Variants in RIMS4 observed in about 807,000 individuals in gnomAD.
RIMS4 encodes the protein regulating synaptic membrane exocytosis 4.
RIMS4 carries 9 observed loss-of-function variants against 29.0 expected under a neutral mutation model. That is an observed-to-expected ratio of 0.31 (90% CI 0.19 to 0.54). The LOEUF (loss-of-function observed/expected upper bound fraction) is 0.54, where lower values mean the gene tolerates loss of function less well. Ranked by LOEUF, RIMS4 falls within the 20% of genes least tolerant of loss-of-function variation. The pLI, the probability that RIMS4 is intolerant of heterozygous loss-of-function variation, is 0.94. For missense variants in RIMS4, 193 were observed against 365.7 expected (o/e 0.53, Z 3.85); for synonymous variants, 130 against 152.9 (o/e 0.85, Z 1.10).
chr20:44,761,422 G>C (rs1246044792), intron 2 of RIMS4, among the ~76,000 whole-genome samples: 1 of 152,162 alleles, frequency 6.6e-6, no homozygotes, highest in African/African-American at 2.4e-5. Flanking sequence ...TGAGAATTCT[G>C]AATTTTGCTG....
intron 2 of RIMS4, among the ~76,000 whole-genome samples, chr20:44,760,569 T>C (rs997525727): frequency 3.9e-5 from 6 of 152,120 alleles, no homozygotes; most frequent in African/African-American, 4.8e-5. Context: ...TGGATGATGA[T>C]TGCAGACCAC....
At chr20:44,773,022 T>C (rs1434201300) in intron 1 of RIMS4, among the ~76,000 whole-genome samples, 1 of 113,132 alleles carries the variant, frequency 8.8e-6, no homozygotes, top group African/African-American at 4.8e-5. Flanking sequence ...CGTATTTCTG[T>C]CTCCCACGTG....
chr20:44,776,400 C>A (rs949490096), intron 1 of RIMS4, among the ~76,000 whole-genome samples: 1 of 152,230 alleles, frequency 6.6e-6, no homozygotes, highest in Non-Finnish European at 1.5e-5. Flanking sequence ...CTCTCCCTCG[C>A]AGTCTCTATA....
intron 2 of RIMS4, among the ~76,000 whole-genome samples, chr20:44,762,219 T>G (rs1312289341): frequency 6.6e-6 from 1 of 152,178 alleles, no homozygotes; most frequent in African/African-American, 2.4e-5. Flanking sequence ...GCGGTAACGC[T>G]CGCTCGCCCA....
Position 44,775,214 on chromosome 20 carries a change from C to A in RIMS4, c.98-3801G>T, listed in dbSNP as rs544598844. Reference sequence around the variant, plus strand: ...GGAGAAATGAACAGCCTCTGCTTGTCGTCCATCAGGACCCAGAAATAGACC... The same window carrying A: ...GGAGAAATGAACAGCCTCTGCTTGTAGTCCATCAGGACCCAGAAATAGACC... On this transcript the variant is annotated intron_variant, in intron 1 of 5. Coordinates refer to ENST00000372851, the MANE Select transcript of RIMS4 (RefSeq NM_182970.4). Among the ~76,000 whole-genome samples, 3 of 152,264 alleles carry A rather than the reference C, an allele frequency of 2.0e-5. No homozygotes were observed. In the East Asian group the frequency reaches 5.8e-4, roughly 30 times the overall value.
At chr20:44,764,835 A>G (rs2066106971) in intron 2 of RIMS4, among the ~76,000 whole-genome samples, 1 of 152,228 alleles carries the variant, frequency 6.6e-6, no homozygotes, top group Non-Finnish European at 1.5e-5. Context: ...CAAGTACTGT[A>G]GCAGAATTGC....
At chr20:44,767,391 C>A (rs1601023582) in intron 2 of RIMS4, among the ~76,000 whole-genome samples, 1 of 152,142 alleles carries the variant, frequency 6.6e-6, no homozygotes, top group African/African-American at 2.4e-5. Context: ...ACCCACAGAG[C>A]TCCAATTTCT....
intron 1 of RIMS4, among the ~76,000 whole-genome samples, chr20:44,796,005 G>A (rs1035365561): frequency 2.6e-5 from 4 of 152,042 alleles, no homozygotes; most frequent in Non-Finnish European, 2.9e-5. Flanking sequence ...GAGCGGGAGC[G>A]GGAGAGACAG....
Position 44,810,504 on chromosome 20 carries a change from C to CGGCGGCGGCGGCGGCGGCGGCGGT in RIMS4, c.-234_-233insACCGCCGCCGCCGCCGCCGCCGCC. ...CGCGCTGTGCTGCTGGCGGCGGCGG[C>CGGCGGCGGCGGCGGCGGCGGCGGT]GGCGGCGGCGGTGGCGGCGGCGGTG... On this transcript the variant is annotated 5_prime_UTR_variant, in exon 1 of 6. Transcript: ENST00000372851. Among the ~76,000 whole-genome samples the CGGCGGCGGCGGCGGCGGCGGCGGT allele has an allele frequency of 6.9e-6, 1 of 144,026 alleles. No individual in the cohort carries two copies. The highest frequency in any genetic ancestry group is 1.5e-5 in the Non-Finnish European group (1 of 65,086). 94.5% of individuals were successfully genotyped at this position (144,026 alleles called of 152,430 possible). A position where few individuals can be genotyped will look rare whatever the true frequency, so the allele number is the denominator to read the frequency against.
intron 2 of RIMS4, 76 bp downstream of exon 2, chr20:44,771,199 A>G: frequency 2.0e-6 from 3 of 1,520,580 alleles, no homozygotes; most frequent in South Asian, 1.3e-5. Context: ...GGGCTCCCAG[A>G]GGGGTTGCTC....
intron 1 of RIMS4, among the ~76,000 whole-genome samples, chr20:44,795,995 G>A (rs1304293990): frequency 2.0e-5 from 3 of 152,080 alleles, no homozygotes; most frequent in African/African-American, 4.8e-5. Flanking sequence ...GGGGAGAGGG[G>A]AGCGGGAGCG....
At chr20:44,764,255 C>CATCCATCCATCCATCCATCCAT (rs1325046131) in intron 2 of RIMS4, among the ~76,000 whole-genome samples, 56 of 144,364 alleles carry the variant, frequency 3.9e-4, no homozygotes, top group African/African-American at 9.4e-4. Flanking sequence ...TCCATCCATC[C>CATCCATCCATCCATCCATCCAT]TCCCACAAAC....
At chr20:44,764,176 AT>A in intron 2 of RIMS4, among the ~76,000 whole-genome samples, 1 of 151,690 alleles carries the variant, frequency 6.6e-6, no homozygotes, top group African/African-American at 2.4e-5. Flanking sequence ...CCATCCATCC[AT>A]CCATCCATCC....
In RIMS4 at chr20:44,757,785, C is replaced by G. The variant is rs1176920406; in HGVS notation, c.350-14G>C. ...TCTCCACATCCCCTGGAAGAGGCAC[C>G]AAGAGATGAGACTGGGAAATGGTTC... is the stretch of plus-strand genomic sequence containing the variant. On this transcript the variant is annotated splice_polypyrimidine_tract_variant and intron_variant, in intron 3 of 5. Coordinates refer to ENST00000372851, the MANE Select transcript of RIMS4 (RefSeq NM_182970.4). 8 of 1,604,528 alleles carry G rather than the reference C, an allele frequency of 5.0e-6. No homozygotes were observed. The highest frequency in any genetic ancestry group is 1.7e-4 in the Middle Eastern group (1 of 6,044).
rs2066060907 is a variant in RIMS4, at chr20:44,756,520, C to T, written c.592-168G>A. On this transcript the variant is annotated intron_variant, in intron 5 of 5. Transcript: ENST00000372851. The surrounding 1 kb of genome is among the most constrained non-coding windows in gnomAD (Gnocchi z 5.9). ...TCTTATCACGGGGCATCACACCAAG[C>T]CCCTGGCCTCCAGAGGCTGTTGATG... is the stretch of plus-strand genomic sequence containing the variant. Among the ~76,000 whole-genome samples the T allele has an allele frequency of 1.3e-5, 2 of 152,172 alleles. No individual in the cohort carries two copies. Among genetic ancestry groups the T allele is most frequent in the African/African-American group, 4.8e-5 (2 of 41,446 alleles).
At chr20:44,789,774 G>A (rs1287688190) in intron 1 of RIMS4, among the ~76,000 whole-genome samples, 1 of 152,130 alleles carries the variant, frequency 6.6e-6, no homozygotes, top group Non-Finnish European at 1.5e-5. Context: ...AGCCTGGGCT[G>A]GAACTCCTGG....
intron 1 of RIMS4, among the ~76,000 whole-genome samples, chr20:44,801,386 C>T (rs990004597): frequency 6.6e-6 from 1 of 152,154 alleles, no homozygotes; most frequent in Non-Finnish European, 1.5e-5. Flanking sequence ...ATCAGCGACC[C>T]CTTTCTTAGA....
At chr20:44,801,381 C>A (rs373148714) in intron 1 of RIMS4, among the ~76,000 whole-genome samples, 1 of 152,172 alleles carries the variant, frequency 6.6e-6, no homozygotes, top group Non-Finnish European at 1.5e-5. Context: ...AAATTATCAG[C>A]GACCCCTTTC....
At chr20:44,769,358 T>C (rs1205998448) in intron 2 of RIMS4, among the ~76,000 whole-genome samples, 4 of 152,202 alleles carry the variant, frequency 2.6e-5, no homozygotes, top group African/African-American at 9.6e-5. Context: ...CTGAAGCACG[T>C]TGCCCTTCCC....
Sources: allele counts gnomAD v4.1 joint callset (sites outside exome capture counted in the v4.1 genomes callset), GRCh38; gene constraint gnomAD v4.1.1; non-coding constraint Gnocchi (gnomAD v3.1); transcripts MANE v1.5; gene names NCBI Gene and HGNC (gene_info 2026-07-23, HGNC 2026-07-21).